The following PDSS2 variants were observed in gnomAD, a reference collection of about 807,000 sequenced individuals.
PDSS2 encodes the protein decaprenyl diphosphate synthase subunit 2.
A neutral mutation model predicts 44.5 loss-of-function variants in PDSS2; 31 were observed. The observed-to-expected ratio is 0.70, with a 90% CI of 0.52 to 0.94. The LOEUF (loss-of-function observed/expected upper bound fraction) is 0.94. PDSS2 is among the 40% of genes least tolerant of loss of function. The pLI, the probability that PDSS2 is intolerant of heterozygous loss-of-function variation, is 0.00. For synonymous variants in PDSS2, 157 were observed against 180.3 expected (o/e 0.87, Z 1.03); for missense variants, 452 against 482.2 (o/e 0.94, Z 0.59).
intron 4 of PDSS2, among the ~76,000 whole-genome samples, chr6:107,234,050 T>C (rs1774144593): frequency 1.3e-5 from 2 of 152,148 alleles, no homozygotes; most frequent in Admixed American, 6.5e-5. Flanking sequence ...AGTAATTATA[T>C]AATGAAAAAC....
At chr6:107,283,027 T>TAA (rs1271576228) in intron 2 of PDSS2, among the ~76,000 whole-genome samples, 1 of 151,496 alleles carries the variant, frequency 6.6e-6, no homozygotes, top group Non-Finnish European at 1.5e-5. Context: ...CCCAGACTGA[T>TAA]AAACAGTTTG....
intron 1 of PDSS2, among the ~76,000 whole-genome samples, chr6:107,439,770 C>T (rs1326270974): frequency 1.3e-5 from 2 of 152,060 alleles, no homozygotes; most frequent in Non-Finnish European, 2.9e-5. Flanking sequence ...GTCCAATAGA[C>T]TGGCTGAATA....
intron 5 of PDSS2, among the ~76,000 whole-genome samples, chr6:107,210,856 TG>T (rs34209518): frequency 6.6e-6 from 1 of 150,632 alleles, no homozygotes; most frequent in Non-Finnish European, 1.5e-5. Flanking sequence ...AAACAAAAAT[TG>T]GGGGGGGTTT....
intron 1 of PDSS2, among the ~76,000 whole-genome samples, chr6:107,393,423 T>C (rs1035314099): frequency 6.6e-6 from 1 of 152,136 alleles, no homozygotes; most frequent in Non-Finnish European, 1.5e-5. Flanking sequence ...ACCCAGCATA[T>C]GGTTAATCTA....
intron 1 of PDSS2, among the ~76,000 whole-genome samples, chr6:107,404,742 G>A (rs1780252846): frequency 1.3e-5 from 2 of 152,192 alleles, no homozygotes; most frequent in African/African-American, 4.8e-5. Flanking sequence ...CTCATGACAT[G>A]TGGGGATTAT....
At chr6:107,263,564 C>T (rs1775317525) in intron 3 of PDSS2, among the ~76,000 whole-genome samples, 1 of 152,196 alleles carries the variant, frequency 6.6e-6, no homozygotes, top group African/African-American at 2.4e-5. Flanking sequence ...ATGTCAATTT[C>T]ACCTGATGGC....
intron 5 of PDSS2, among the ~76,000 whole-genome samples, chr6:107,211,322 G>A (rs1183355006): frequency 6.6e-6 from 1 of 151,598 alleles, no homozygotes; most frequent in Non-Finnish European, 1.5e-5. Context: ...AGCTAATCTT[G>A]GGATATTTTA....
chr6:107,456,109 T>C (rs1423639953), intron 1 of PDSS2, among the ~76,000 whole-genome samples: 2 of 152,030 alleles, frequency 1.3e-5, no homozygotes, highest in East Asian at 3.9e-4. Context: ...GATCACGAGG[T>C]CAGGAGTTCA....
Position 107,379,513 on chromosome 6 carries a change from C to T in PDSS2, c.297-45181G>A, listed in dbSNP as rs149849753. On this transcript the variant is annotated intron_variant, in intron 1 of 7. Coordinates refer to ENST00000369037, the MANE Select transcript of PDSS2 (RefSeq NM_020381.4). ...CTGAGAGTGATGAGTTAAAGTCTCC[C>T]ATTATTAATTAGCATGCTTATGTCT... is the stretch of plus-strand genomic sequence containing the variant. Among the ~76,000 whole-genome samples, 241 of 152,206 alleles carry T rather than the reference C, an allele frequency of 1.6e-3. 1 individual carries two copies. The highest frequency in any genetic ancestry group is 3.7e-3 in the Admixed American group (56 of 15,286).
intron 1 of PDSS2, among the ~76,000 whole-genome samples, chr6:107,369,291 G>A (rs920806841): frequency 3.9e-5 from 6 of 152,058 alleles, no homozygotes; most frequent in African/African-American, 9.7e-5. Flanking sequence ...GGTGGCGTGC[G>A]CCTGTAATCC....
intron 1 of PDSS2, among the ~76,000 whole-genome samples, chr6:107,379,286 T>C (rs187464825): frequency 6.6e-6 from 1 of 152,382 alleles, no homozygotes; most frequent in African/African-American, 2.4e-5. Context: ...ATTTCTGTAT[T>C]ATAACACTTA....
rs917094104 is a variant in PDSS2, at chr6:107,363,255, A to T, written c.297-28923T>A. ...ATCAGAGACAAACTGTTGAAGGATA[A>T]ATTGTGTTCGGAATTGGTGGGTTCT... On this transcript the variant is annotated intron_variant, in intron 1 of 7. Coordinates refer to ENST00000369037, the MANE Select transcript of PDSS2 (RefSeq NM_020381.4). Among the ~76,000 whole-genome samples the T allele has an allele frequency of 4.6e-5, 7 of 152,232 alleles. 1 individual carries two copies. Among genetic ancestry groups the T allele is most frequent in the Admixed American group, 2.6e-4 (4 of 15,280 alleles).
chr6:107,441,516 A>G (rs319077), intron 1 of PDSS2, among the ~76,000 whole-genome samples: 57,307 of 152,132 alleles, frequency 0.38, 13,290 homozygotes, highest in Middle Eastern at 0.64. Context: ...CATTTAGCCC[A>G]CAGGTTGAAG....
intron 2 of PDSS2, among the ~76,000 whole-genome samples, chr6:107,327,119 C>T (rs1296926768): frequency 1.3e-5 from 2 of 152,038 alleles, no homozygotes; most frequent in African/African-American, 4.8e-5. Context: ...TATGTGTGTC[C>T]CAGGACACTG....
At chr6:107,228,041 C>G (rs899974479) in intron 4 of PDSS2, among the ~76,000 whole-genome samples, 1 of 152,200 alleles carries the variant, frequency 6.6e-6, no homozygotes, top group African/African-American at 2.4e-5. Flanking sequence ...TTCTGTTAAA[C>G]ACTTTACATG....
At chr6:107,249,864 G>A (rs910554803) in intron 3 of PDSS2, among the ~76,000 whole-genome samples, 1 of 152,178 alleles carries the variant, frequency 6.6e-6, no homozygotes, top group Admixed American at 6.5e-5. Flanking sequence ...TCTCACCCAA[G>A]TTAGGAAGAG....
intron 2 of PDSS2, among the ~76,000 whole-genome samples, chr6:107,286,487 T>C (rs1186070113): frequency 6.6e-6 from 1 of 151,504 alleles, no homozygotes; most frequent in Non-Finnish European, 1.5e-5. Flanking sequence ...TCCAGCCTGG[T>C]TGACAGAGTG....
At chr6:107,204,959 T>C (rs1416189536) in intron 6 of PDSS2, among the ~76,000 whole-genome samples, 1 of 152,212 alleles carries the variant, frequency 6.6e-6, no homozygotes, top group East Asian at 1.9e-4. Flanking sequence ...ATATAGTTCT[T>C]TCAAATGCCT....
intron 1 of PDSS2, among the ~76,000 whole-genome samples, chr6:107,386,387 A>AC (rs1779611971): frequency 6.6e-6 from 1 of 151,944 alleles, no homozygotes; most frequent in African/African-American, 2.4e-5. Context: ...TCTAAAAAAA[A>AC]AAAAAACAAA....
Sources: gnomAD v4.1 joint callset for allele counts (sites outside exome capture counted in the v4.1 genomes callset) on GRCh38, gnomAD v4.1.1 for gene constraint, MANE v1.5 for transcripts, NCBI Gene and HGNC (gene_info 2026-07-23, HGNC 2026-07-21) for gene names.